MALRD1: variants seen among roughly 807,000 people sequenced by gnomAD.
The protein encoded by MALRD1 is MAM and LDL-receptor class A domain-containing protein 1.
Under a neutral mutation model 242.1 loss-of-function variants are expected in MALRD1, and 247 were observed. That is an observed-to-expected ratio of 1.02 (90% CI 0.92 to 1.13). The LOEUF is 1.13. Ranked by LOEUF, MALRD1 falls within the 50% of genes most tolerant of loss-of-function variation. MALRD1 has a pLI of 0.00. For synonymous variants in MALRD1, 995 were observed against 866.6 expected, an observed-to-expected ratio of 1.15 and a Z score of -2.60; for missense variants, 2,989 against 2,533.1, an observed-to-expected ratio of 1.18 and a Z score of -3.86.
At chr10:19,615,975 C>T in intron 36 of MALRD1, 52 bp downstream of exon 36, 1 of 1,340,060 alleles carries the variant, frequency 7.5e-7, no homozygotes, top group South Asian at 1.3e-5. Flanking sequence ...AGTTGGCTTA[C>T]TTATTTTTCT....
chr10:19,278,756 G>T (rs1840660449), intron 19 of MALRD1, among the ~76,000 whole-genome samples: 1 of 152,060 alleles, frequency 6.6e-6, no homozygotes, highest in African/African-American at 2.4e-5. Context: ...TGCACGAGGA[G>T]AGAAGGAAAG....
At chr10:19,610,432 C>CT (rs1838842263) in intron 35 of MALRD1, among the ~76,000 whole-genome samples, 1 of 151,868 alleles carries the variant, frequency 6.6e-6, no homozygotes, top group African/African-American at 2.4e-5. Flanking sequence ...ATGATATCAA[C>CT]TTTTGAGGTT....
At chr10:19,364,605 A>G (rs919833628) in intron 26 of MALRD1, among the ~76,000 whole-genome samples, 3 of 152,142 alleles carry the variant, frequency 2.0e-5, no homozygotes, top group African/African-American at 7.2e-5. Context: ...TTCTAGTTAA[A>G]TGAAAACCAA....
At chr10:19,718,781 G>A (rs1834544706) in intron 38 of MALRD1, among the ~76,000 whole-genome samples, 1 of 152,014 alleles carries the variant, frequency 6.6e-6, no homozygotes, top group African/African-American at 2.4e-5. Context: ...AATTTGTGAT[G>A]AACCTTTTTC....
At chr10:19,692,703 A>T (rs1430657929) in intron 38 of MALRD1, 149 bp downstream of exon 38, 2 of 600,188 alleles carry the variant, frequency 3.3e-6, no homozygotes, top group Non-Finnish European at 5.6e-6. Context: ...TTCTGGGCAG[A>T]AAAGAGGAGC....
chr10:19,586,052 T>C (rs61841431), intron 33 of MALRD1, among the ~76,000 whole-genome samples: 7 of 152,196 alleles, frequency 4.6e-5, no homozygotes, highest in South Asian at 2.1e-4. Context: ...TCACGTAGTT[T>C]TCGAGCCTTG....
At chr10:19,268,629 C>G (rs1181833321) in intron 19 of MALRD1, among the ~76,000 whole-genome samples, 1 of 152,068 alleles carries the variant, frequency 6.6e-6, no homozygotes, top group African/African-American at 2.4e-5. Flanking sequence ...TACAATGATT[C>G]ATATTAGTCA....
intron 21 of MALRD1, among the ~76,000 whole-genome samples, chr10:19,283,763 A>T (rs1840946227): frequency 6.6e-6 from 1 of 152,210 alleles, no homozygotes; most frequent in Non-Finnish European, 1.5e-5. Context: ...CAATTTACTA[A>T]TCTGTTCTCA....
chr10:19,715,224 T>C (rs1044041271), intron 38 of MALRD1, among the ~76,000 whole-genome samples: 2 of 151,972 alleles, frequency 1.3e-5, no homozygotes, highest in Non-Finnish European at 2.9e-5. Flanking sequence ...TTAAAACTTA[T>C]TGAAGACCCC....
chr10:19,204,416 AAATATTAAACAAATATTTAAAC>A lies in MALRD1; in HGVS notation c.2210+15_2210+36del, dbSNP rs756558773. 14 of 1,536,010 alleles carry A rather than the reference AAATATTAAACAAATATTTAAAC, an allele frequency of 9.1e-6. No homozygotes were observed. The highest frequency in any genetic ancestry group is 6.1e-5 in the South Asian group (5 of 82,460). ...CCTGGATGCATACTTTCCTTCTGGT[AAATATTAAACAAATATTTAAAC>A]AATATTAAACAGTTCACCCTGGTGG... On this transcript the variant is annotated splice_donor_5th_base_variant and intron_variant, in intron 16 of 39. Transcript: ENST00000454679.
intron 12 of MALRD1, among the ~76,000 whole-genome samples, chr10:19,161,550 C>CTAAAAAAAAAAAA (rs1834410363): frequency 1.6e-5 from 1 of 60,838 alleles, no homozygotes; most frequent in African/African-American, 6.8e-5. Flanking sequence ...AAAAAAAAAG[C>CTAAAAAAAAAAAA]AAAAAAAAAA....
intron 35 of MALRD1, among the ~76,000 whole-genome samples, chr10:19,611,165 G>A (rs1421908978): frequency 6.6e-6 from 1 of 151,898 alleles, no homozygotes; most frequent in East Asian, 1.9e-4. Flanking sequence ...CTATAAGAAA[G>A]TGCTATCATA....
chr10:19,145,145 C>T (rs951994361), intron 10 of MALRD1, among the ~76,000 whole-genome samples: 2 of 152,102 alleles, frequency 1.3e-5, no homozygotes, highest in African/African-American at 4.8e-5. Flanking sequence ...ATGAATTTCT[C>T]GAAAGCAGAA....
chr10:19,364,172 G>C (rs1180856775), intron 26 of MALRD1, among the ~76,000 whole-genome samples: 2 of 152,134 alleles, frequency 1.3e-5, no homozygotes, highest in Non-Finnish European at 2.9e-5. Context: ...ATAATGATCA[G>C]TGTCAAGGAT....
rs1370915543 is a variant in MALRD1 at position 19,692,476 on chromosome 10, G to T, written c.6236G>T (p.Gly2079Val). Residue 2079 changes from glycine to valine, a missense_variant, in exon 38 of 40, where the codon GGT (glycine) becomes GTT (valine). Transcript: ENST00000454679. ...ATTCCAGATACATGGACTCTCCTGG[G>T]TATTGGATTAGCATTCCTGATGACT... Reference protein sequence around the residue: ...YAQNNTWTLLGIGLAFLMTHI... With the variant: ...YAQNNTWTLLVIGLAFLMTHI... The T allele has an allele frequency of 3.3e-6, 5 of 1,535,700 alleles. No individual in the cohort carries two copies. The South Asian group carries it at 4.8e-5, about 15-fold the overall frequency.
intron 29 of MALRD1, among the ~76,000 whole-genome samples, chr10:19,480,258 G>T (rs1408787778): frequency 6.6e-6 from 1 of 152,196 alleles, no homozygotes; most frequent in Non-Finnish European, 1.5e-5. Context: ...ATGTTGCGGA[G>T]AAATCTCACA....
chr10:19,293,422 C>G (rs1224172646), intron 21 of MALRD1, among the ~76,000 whole-genome samples: 1 of 152,214 alleles, frequency 6.6e-6, no homozygotes, highest in Non-Finnish European at 1.5e-5. Flanking sequence ...ACACACAAAA[C>G]AATGTCCTTA....
At chr10:19,328,499 A>C (rs892699754) in intron 23 of MALRD1, among the ~76,000 whole-genome samples, 2 of 152,092 alleles carry the variant, frequency 1.3e-5, no homozygotes, top group Non-Finnish European at 2.9e-5. Flanking sequence ...ATTCTTGTTA[A>C]ATATTGCATT....
intron 28 of MALRD1, among the ~76,000 whole-genome samples, chr10:19,415,692 T>C (rs981761163): frequency 1.3e-5 from 2 of 152,196 alleles, no homozygotes; most frequent in Non-Finnish European, 2.9e-5. Flanking sequence ...TATAGACTTC[T>C]AAAAGATCAT....
Sources: gnomAD v4.1 joint callset for allele counts (sites outside exome capture counted in the v4.1 genomes callset) on GRCh38, gnomAD v4.1.1 for gene constraint, MANE v1.5 for transcripts, NCBI Gene and HGNC (gene_info 2026-07-23, HGNC 2026-07-21) for gene names.